MRPL1: variants seen among roughly 807,000 people sequenced by gnomAD.
MRPL1 encodes mitochondrial ribosomal protein L1.
In MRPL1, 28 loss-of-function variants were observed where a neutral mutation model predicts 38.0. The ratio of observed to expected loss-of-function variants is 0.74; its 90% CI spans 0.55 to 1.01. The LOEUF is 1.01. Among genes scored for constraint, MRPL1 ranks in the 50% least tolerant of loss-of-function variants. MRPL1 has a pLI of 0.00. For synonymous variants in MRPL1, 123 were observed against 126.7 expected, an observed-to-expected ratio of 0.97 and a Z score of 0.20; for missense variants, 358 against 389.8, an observed-to-expected ratio of 0.92 and a Z score of 0.69.
chr4:77,950,182 A>C (rs922326934), intron 8 of MRPL1, among the ~76,000 whole-genome samples: 4 of 152,240 alleles, frequency 2.6e-5, no homozygotes. Flanking sequence ...CTTTAAACTT[A>C]CAATGATGTT....
intron 7 of MRPL1, among the ~76,000 whole-genome samples, chr4:77,949,434 T>A (rs557999823): frequency 6.6e-6 from 1 of 152,212 alleles, no homozygotes; most frequent in South Asian, 2.1e-4. Context: ...ATTTTCTTAG[T>A]TTCCTTTAAA....
intron 7 of MRPL1, among the ~76,000 whole-genome samples, chr4:77,936,891 G>A (rs953510087): frequency 2.6e-5 from 4 of 152,126 alleles, no homozygotes; most frequent in African/African-American, 9.7e-5. Context: ...TTGGGAAGCC[G>A]AGATGGGAGA....
At chr4:77,912,570 G>T (rs867269620) in intron 7 of MRPL1, among the ~76,000 whole-genome samples, 8 of 152,046 alleles carry the variant, frequency 5.3e-5, no homozygotes, top group Non-Finnish European at 1.0e-4. Flanking sequence ...TAAATAAATG[G>T]TGACTATATA....
At chr4:77,907,824 A>C (rs1578050233) in intron 6 of MRPL1, among the ~76,000 whole-genome samples, 3 of 151,866 alleles carry the variant, frequency 2.0e-5, no homozygotes, top group Non-Finnish European at 2.9e-5. Context: ...ACGGCCTCCC[A>C]AAGTGCTAGG....
chr4:77,896,934 G>C (rs1735929042), intron 6 of MRPL1, among the ~76,000 whole-genome samples: 1 of 151,328 alleles, frequency 6.6e-6, no homozygotes, highest in African/African-American at 2.4e-5. Flanking sequence ...TTATCGTCTG[G>C]CTTCCTCCCC....
At chr4:77,949,182 T>C (rs1429582362) in intron 7 of MRPL1, among the ~76,000 whole-genome samples, 1 of 152,202 alleles carries the variant, frequency 6.6e-6, no homozygotes, top group Non-Finnish European at 1.5e-5. Flanking sequence ...GTAATTGAAT[T>C]TGAATAATAA....
At chr4:77,945,701 C>T (rs1035849387) in intron 7 of MRPL1, among the ~76,000 whole-genome samples, 11 of 152,042 alleles carry the variant, frequency 7.2e-5, no homozygotes, top group Admixed American at 2.0e-4. Context: ...TATCACATAT[C>T]GCTAGGACCG....
At chr4:77,883,113 C>T (rs1399348470) in intron 2 of MRPL1, 129 bp from the exon 3 acceptor site, 2 of 594,630 alleles carry the variant, frequency 3.4e-6, no homozygotes, top group Non-Finnish European at 5.4e-6. Flanking sequence ...AACTGTAAAG[C>T]AGTCTATGCT....
At chr4:77,889,186 C>T (rs1447735343) in intron 5 of MRPL1, among the ~76,000 whole-genome samples, 1 of 152,220 alleles carries the variant, frequency 6.6e-6, no homozygotes, top group Non-Finnish European at 1.5e-5. Flanking sequence ...GCGTTCTTCT[C>T]AGCACCACAT....
At chr4:77,864,983 G>A (rs933353787) in intron 1 of MRPL1, among the ~76,000 whole-genome samples, 3 of 149,952 alleles carry the variant, frequency 2.0e-5, no homozygotes, top group South Asian at 2.1e-4. Context: ...TCTGCCTCCC[G>A]GGTTCAAGCA....
chr4:77,948,210 G>A (rs367767532), intron 7 of MRPL1, among the ~76,000 whole-genome samples: 43 of 152,086 alleles, frequency 2.8e-4, no homozygotes, highest in African/African-American at 9.9e-4. Flanking sequence ...GGTCTTTAGC[G>A]GGGGGTGTAG....
intron 2 of MRPL1, among the ~76,000 whole-genome samples, chr4:77,881,972 C>G (rs1735551885): frequency 6.6e-6 from 1 of 152,082 alleles, no homozygotes; most frequent in Non-Finnish European, 1.5e-5. Flanking sequence ...TAGAGGATGC[C>G]CCCCTATGCT....
At chr4:77,871,495 G>T (rs1009636177) in intron 1 of MRPL1, among the ~76,000 whole-genome samples, 2 of 151,772 alleles carry the variant, frequency 1.3e-5, no homozygotes, top group African/African-American at 4.8e-5. Context: ...TAGTAGAGAC[G>T]GGGTTTCACC....
At chr4:77,889,109 C>A (rs187105787) in intron 5 of MRPL1, among the ~76,000 whole-genome samples, 2 of 152,220 alleles carry the variant, frequency 1.3e-5, no homozygotes, top group African/African-American at 4.8e-5. Flanking sequence ...AGGAATTGAA[C>A]TCAGCTCTGC....
At chr4:77,892,601 C>T (rs1735831699) in intron 5 of MRPL1, among the ~76,000 whole-genome samples, 3 of 152,150 alleles carry the variant, frequency 2.0e-5, no homozygotes, top group Admixed American at 1.3e-4. Context: ...TACAGTCCTA[C>T]TTATAGCATA....
chr4:77,905,566 TC>T (rs1193356943), intron 6 of MRPL1, among the ~76,000 whole-genome samples: 1 of 145,296 alleles, frequency 6.9e-6, no homozygotes, highest in East Asian at 2.1e-4. Flanking sequence ...ATACTAAACA[TC>T]TTGATCATTG....
intron 6 of MRPL1, among the ~76,000 whole-genome samples, chr4:77,903,287 AT>A (rs1736075880): frequency 6.6e-6 from 1 of 152,206 alleles, no homozygotes; most frequent in Non-Finnish European, 1.5e-5. Context: ...CAGAGAAAGC[AT>A]TTTGGCAATA....
chr4:77,915,222 A>T (rs1348542403), intron 7 of MRPL1, among the ~76,000 whole-genome samples: 2 of 152,112 alleles, frequency 1.3e-5, no homozygotes, highest in Non-Finnish European at 2.9e-5. Flanking sequence ...AGTAGTTTAT[A>T]GTTTTCCTTC....
Position 77,862,833 on chromosome 4 carries a change from A to C in MRPL1, c.-16A>C. ...ACGTAGGAACAATTTCGTGAACGCA[A>C]TCCGGAGTGCCCAACATGGCGGCGG... On this transcript the variant is annotated 5_prime_UTR_variant, in exon 1 of 9. Transcript: ENST00000315567. 6.2e-7 allele frequency: 1 copy of C among 1,613,874 alleles called. No homozygotes were observed. The highest frequency in any genetic ancestry group is 1.3e-5 in the African/African-American group (1 of 75,014).
Sources: gnomAD v4.1 joint callset for allele counts (sites outside exome capture counted in the v4.1 genomes callset) on GRCh38, gnomAD v4.1.1 for gene constraint, MANE v1.5 for transcripts, NCBI Gene and HGNC (gene_info 2026-07-23, HGNC 2026-07-21) for gene names.